The following PSD3 variants were observed in gnomAD, a reference collection of about 807,000 sequenced individuals.
The protein encoded by PSD3 is pleckstrin and Sec7 domain containing 3.
PSD3 carries 49 observed loss-of-function variants against 105.5 expected under a neutral mutation model. The ratio of observed to expected loss-of-function variants is 0.46; its 90% CI spans 0.37 to 0.59. PSD3 has a LOEUF of 0.59. Among genes scored for constraint, PSD3 ranks in the 20% least tolerant of loss-of-function variants. The pLI is 0.00. For synonymous variants in PSD3, 557 were observed against 457.8 expected (o/e 1.22, Z -2.77); for missense variants, 1,561 against 1,263.8 (o/e 1.24, Z -3.57).
chr8:18,808,626 A>G (rs1394517691), intron 4 of PSD3: 1 of 1,234,900 alleles, frequency 8.1e-7, no homozygotes, highest in Non-Finnish European at 1.1e-6. Context: ...AATAAAGCAC[A>G]AAGGATAAAT....
At chr8:18,620,342 G>A (rs931907182) in intron 11 of PSD3, among the ~76,000 whole-genome samples, 1 of 121,736 alleles carries the variant, frequency 8.2e-6, no homozygotes. Context: ...TTGGGTTTGT[G>A]TTTTTTTTTT....
intron 1 of PSD3, among the ~76,000 whole-genome samples, chr8:19,051,283 C>A (rs1299789121): frequency 6.6e-6 from 1 of 152,112 alleles, no homozygotes; most frequent in Non-Finnish European, 1.5e-5. Context: ...GTTTCAGTTC[C>A]ATTATCCAGG....
chr8:18,768,607 G>A (rs947062195), intron 8 of PSD3, among the ~76,000 whole-genome samples: 1 of 152,074 alleles, frequency 6.6e-6, no homozygotes, highest in African/African-American at 2.4e-5. Context: ...AGACGCACAG[G>A]CATCATTTTA....
At chr8:18,851,181 G>C (rs1815532699) in intron 4 of PSD3, among the ~76,000 whole-genome samples, 1 of 152,154 alleles carries the variant, frequency 6.6e-6, no homozygotes, top group South Asian at 2.1e-4. Flanking sequence ...CTTTCCCATA[G>C]TTATTTTGTT....
rs1467904601 is a variant in PSD3 at position 18,658,875 on chromosome 8, C to G, written c.2173-3190G>C. Among the ~76,000 whole-genome samples, 3 of 152,152 alleles carry G rather than the reference C, an allele frequency of 2.0e-5. No individual in the cohort carries two copies. In the East Asian group the frequency reaches 5.8e-4, roughly 29 times the overall value. On this transcript the variant is annotated intron_variant, in intron 9 of 15. Transcript: ENST00000327040. ...CTCTCTCATCTCAATTCGCCTCTTTCTACCCCAACCATCTGCAGTCCTTGT... is the reference window on the plus strand; with the variant it reads ...CTCTCTCATCTCAATTCGCCTCTTTGTACCCCAACCATCTGCAGTCCTTGT...
chr8:18,785,369 T>C (rs76662971), intron 8 of PSD3, among the ~76,000 whole-genome samples: 3,259 of 152,330 alleles, frequency 0.021, 155 homozygotes, highest in East Asian at 0.14. Flanking sequence ...AGACACTTTC[T>C]TTCCTAAAAC....
At chr8:18,769,981 C>G (rs921076850) in intron 8 of PSD3, among the ~76,000 whole-genome samples, 2 of 152,140 alleles carry the variant, frequency 1.3e-5, no homozygotes, top group African/African-American at 4.8e-5. Context: ...TTTCATTCCT[C>G]CTGGGCATAT....
At chr8:19,058,183 G>T (rs1828773050) in intron 1 of PSD3, among the ~76,000 whole-genome samples, 2 of 152,164 alleles carry the variant, frequency 1.3e-5, no homozygotes, top group South Asian at 4.1e-4. Context: ...AAAGAAACAA[G>T]TCTCAGTGGG....
intron 4 of PSD3, among the ~76,000 whole-genome samples, chr8:18,820,095 A>C (rs1276297929): frequency 6.6e-6 from 1 of 152,048 alleles, no homozygotes; most frequent in Non-Finnish European, 1.5e-5. Context: ...TTGTATGTAA[A>C]AATCTGTAAG....
At chr8:18,593,183 C>G (rs4921606) in intron 12 of PSD3, among the ~76,000 whole-genome samples, 131,398 of 151,954 alleles carry the variant, frequency 0.86, 57,110 homozygotes, top group South Asian at 0.96. Flanking sequence ...AGAGTGAACA[C>G]GCAACCTACA....
At chr8:19,009,422 G>C (rs1368888948) in intron 1 of PSD3, among the ~76,000 whole-genome samples, 1 of 152,172 alleles carries the variant, frequency 6.6e-6, no homozygotes, top group Admixed American at 6.5e-5. Flanking sequence ...GTGGGATCTT[G>C]AGCAGGTTCC....
In PSD3 at chr8:18,742,813, AG is replaced by A. The variant is rs1328669967; in HGVS notation, c.2172+22635del. 3.3e-5 allele frequency among the ~76,000 whole-genome samples: 5 copies of A among 152,360 alleles called. No individual in the cohort carries two copies. In the South Asian group the frequency reaches 1.0e-3, roughly 32 times the overall value. ...TTATTTTTCATAAAGACAAAGAGCT[AG>A]TCATACCCATCCTTACCTAGGTTAT... On this transcript the variant is annotated intron_variant, in intron 9 of 15. Coordinates refer to ENST00000327040, the MANE Select transcript of PSD3 (RefSeq NM_015310.4).
intron 1 of PSD3, among the ~76,000 whole-genome samples, chr8:19,058,592 T>A (rs191629967): frequency 9.2e-5 from 14 of 152,004 alleles, no homozygotes; most frequent in South Asian, 2.1e-4. Context: ...ATAATTTTTT[T>A]AAAAAAGTGT....
chr8:19,047,046 C>T (rs1357260746), intron 1 of PSD3, among the ~76,000 whole-genome samples: 1 of 151,464 alleles, frequency 6.6e-6, no homozygotes, highest in Non-Finnish European at 1.5e-5. Context: ...GTATCCTCTG[C>T]ATATCCCACT....
chr8:18,792,631 GT>G (rs1335302505), intron 8 of PSD3, among the ~76,000 whole-genome samples: 1 of 152,096 alleles, frequency 6.6e-6, no homozygotes, highest in Admixed American at 6.6e-5. Flanking sequence ...TAATACCTGG[GT>G]GATGGGCCAG....
At chr8:18,537,233 C>T (rs1799896125) in intron 15 of PSD3, among the ~76,000 whole-genome samples, 1 of 152,176 alleles carries the variant, frequency 6.6e-6, no homozygotes, top group Admixed American at 6.5e-5. Flanking sequence ...TCATACACAA[C>T]TGATAACTTA....
At chr8:19,024,289 C>T (rs546003171) in intron 1 of PSD3, among the ~76,000 whole-genome samples, 1 of 152,178 alleles carries the variant, frequency 6.6e-6, no homozygotes, top group African/African-American at 2.4e-5. Context: ...ATTACCTATG[C>T]TTGCATGTTT....
At chr8:18,983,666 A>C (rs895996013) in intron 1 of PSD3, among the ~76,000 whole-genome samples, 1 of 152,102 alleles carries the variant, frequency 6.6e-6, no homozygotes, top group Non-Finnish European at 1.5e-5. Context: ...TCTTACATGG[A>C]CACAGTTCTT....
intron 1 of PSD3, among the ~76,000 whole-genome samples, chr8:19,081,273 T>A (rs1177045517): frequency 3.9e-5 from 6 of 152,248 alleles, no homozygotes; most frequent in Non-Finnish European, 8.8e-5. Flanking sequence ...CGTACAAGGT[T>A]AGGTCACTAG....
Sources: allele counts gnomAD v4.1 joint callset (sites outside exome capture counted in the v4.1 genomes callset), GRCh38; gene constraint gnomAD v4.1.1; transcripts MANE v1.5; gene names NCBI Gene and HGNC (gene_info 2026-07-23, HGNC 2026-07-21).